The following NSMCE2 variants were observed in gnomAD, a reference collection of about 807,000 sequenced individuals.
NSMCE2 encodes E3 SUMO-protein ligase NSE2.
A neutral mutation model predicts 23.8 loss-of-function variants in NSMCE2; 24 were observed. That is an observed-to-expected ratio of 1.01 (90% confidence interval 0.73 to 1.42). NSMCE2 has a LOEUF of 1.42. Among genes scored for constraint, NSMCE2 ranks in the 40% most tolerant of loss-of-function variants. The pLI, the probability that NSMCE2 is intolerant of heterozygous loss-of-function variation, is 0.00. For synonymous variants in NSMCE2, 92 were observed against 94.1 expected (o/e 0.98, Z 0.13); for missense variants, 284 against 296.5 (o/e 0.96, Z 0.31).
intron 5 of NSMCE2, among the ~76,000 whole-genome samples, chr8:125,296,033 T>G (rs1828310241): frequency 6.6e-6 from 1 of 152,192 alleles, no homozygotes; most frequent in Admixed American, 6.5e-5. Context: ...TAGATTCTGA[T>G]CTTTGCACTG....
At chr8:125,364,757 G>C (rs937390352) in intron 7 of NSMCE2, among the ~76,000 whole-genome samples, 8 of 152,188 alleles carry the variant, frequency 5.3e-5, no homozygotes, top group African/African-American at 1.9e-4. Context: ...GAGCACAGAG[G>C]ATCTGGGAGG....
chr8:125,269,802 A>C (rs1288738003), intron 5 of NSMCE2, among the ~76,000 whole-genome samples: 1 of 152,240 alleles, frequency 6.6e-6, no homozygotes, highest in Non-Finnish European at 1.5e-5. Context: ...ATAGTTAACA[A>C]CATCTATCAA....
intron 5 of NSMCE2, among the ~76,000 whole-genome samples, chr8:125,276,630 A>G (rs1387659871): frequency 1.3e-5 from 2 of 152,094 alleles, no homozygotes; most frequent in East Asian, 3.8e-4. Context: ...TTATGGTAGA[A>G]CCTCCATGAA....
chr8:125,193,245 C>G (rs1021788637), intron 5 of NSMCE2, among the ~76,000 whole-genome samples: 2 of 152,140 alleles, frequency 1.3e-5, no homozygotes, highest in Non-Finnish European at 2.9e-5. Flanking sequence ...TCCAACTTAT[C>G]ACGACAGACA....
rs183499977 is a variant in NSMCE2 at position 125,185,553 on chromosome 8, G to A, written c.418+3297G>A. Among the ~76,000 whole-genome samples, 246 of 152,142 alleles carry A rather than the reference G, an allele frequency of 1.6e-3. 1 individual carries two copies. The highest frequency in any genetic ancestry group is 5.7e-3 in the African/African-American group (238 of 41,544). ...ACTCCTGACTTCAGGGGATCCACTCGCCTCAGCCTCCCAAAATGTTGGGAT... is the reference window on the plus strand; with the variant it reads ...ACTCCTGACTTCAGGGGATCCACTCACCTCAGCCTCCCAAAATGTTGGGAT... On this transcript the variant is annotated intron_variant, in intron 5 of 7. Transcript: ENST00000287437.
intron 3 of NSMCE2, chr8:125,130,122 C>T (rs1289939471): frequency 8.7e-6 from 3 of 343,726 alleles, no homozygotes; most frequent in African/African-American, 4.3e-5. Flanking sequence ...GTAATCCTGA[C>T]AGTTTTGAGG....
intron 5 of NSMCE2, among the ~76,000 whole-genome samples, chr8:125,217,657 C>T (rs1236946375): frequency 3.3e-5 from 5 of 152,130 alleles, no homozygotes; most frequent in African/African-American, 7.2e-5. Flanking sequence ...TGAGCCACCG[C>T]GCCTGGCCCT....
intron 5 of NSMCE2, among the ~76,000 whole-genome samples, chr8:125,260,067 A>T (rs1419785123): frequency 6.6e-6 from 1 of 152,236 alleles, no homozygotes; most frequent in Non-Finnish European, 1.5e-5. Context: ...AAAATCTTTT[A>T]ATGTTCCAGA....
intron 3 of NSMCE2, among the ~76,000 whole-genome samples, chr8:125,131,527 A>G (rs911639269): frequency 3.3e-5 from 5 of 152,292 alleles, no homozygotes; most frequent in Admixed American, 2.6e-4. Context: ...ACATCAGGAT[A>G]TAGATATTGG....
At chr8:125,180,203 C>A (rs1822730093) in intron 4 of NSMCE2, among the ~76,000 whole-genome samples, 2 of 152,140 alleles carry the variant, frequency 1.3e-5, no homozygotes, top group South Asian at 4.1e-4. Flanking sequence ...ATATAAGGCA[C>A]TATTATATTG....
intron 5 of NSMCE2, among the ~76,000 whole-genome samples, chr8:125,278,955 A>G (rs1478524692): frequency 1.3e-5 from 2 of 152,118 alleles, no homozygotes; most frequent in African/African-American, 4.8e-5. Context: ...GGTTAGAGCC[A>G]TAGTCAAATG....
intron 3 of NSMCE2, among the ~76,000 whole-genome samples, chr8:125,132,929 T>C (rs1819846729): frequency 6.6e-6 from 1 of 152,220 alleles, no homozygotes; most frequent in South Asian, 2.1e-4. Context: ...AAATGCACTT[T>C]ACAGGTCATC....
intron 3 of NSMCE2, among the ~76,000 whole-genome samples, chr8:125,113,346 G>A (rs1307661718): frequency 6.6e-6 from 1 of 152,076 alleles, no homozygotes; most frequent in African/African-American, 2.4e-5. Context: ...AAATGAGTCA[G>A]GTGTGGTGGC....
intron 5 of NSMCE2, among the ~76,000 whole-genome samples, chr8:125,239,308 A>G (rs1468187381): frequency 6.6e-6 from 1 of 152,182 alleles, no homozygotes; most frequent in Non-Finnish European, 1.5e-5. Flanking sequence ...GTTACAAAAA[A>G]ATAGCATTTT....
chr8:125,225,746 A>G (rs913646228), intron 5 of NSMCE2, among the ~76,000 whole-genome samples: 1 of 152,258 alleles, frequency 6.6e-6, no homozygotes, highest in Non-Finnish European at 1.5e-5. Flanking sequence ...TATTTGCTGA[A>G]CAAAGCAAAG....
intron 5 of NSMCE2, among the ~76,000 whole-genome samples, chr8:125,292,655 A>C (rs755357028): frequency 2.0e-5 from 3 of 152,232 alleles, no homozygotes; most frequent in Admixed American, 1.3e-4. Context: ...AGATCATTTC[A>C]GATAAGTTAT....
At chr8:125,188,566 C>CTGTG (rs1823210782) in intron 5 of NSMCE2, among the ~76,000 whole-genome samples, 1 of 152,172 alleles carries the variant, frequency 6.6e-6, no homozygotes, top group African/African-American at 2.4e-5. Context: ...TTTTCAGTTA[C>CTGTG]TAGATTTTAA....
At chr8:125,284,490 G>C (rs1008018038) in intron 5 of NSMCE2, among the ~76,000 whole-genome samples, 4 of 152,192 alleles carry the variant, frequency 2.6e-5, no homozygotes, top group Non-Finnish European at 5.9e-5. Flanking sequence ...ATCGAGGATT[G>C]TTCAACTGCT....
chr8:125,214,978 T>A (rs1297164226), intron 5 of NSMCE2, among the ~76,000 whole-genome samples: 2 of 152,170 alleles, frequency 1.3e-5, no homozygotes, highest in East Asian at 3.8e-4. Context: ...TAAACAGTAA[T>A]TCCCCATGTC....
Sources: gnomAD v4.1 joint callset for allele counts (sites outside exome capture counted in the v4.1 genomes callset) on GRCh38, gnomAD v4.1.1 for gene constraint, MANE v1.5 for transcripts, NCBI Gene and HGNC (gene_info 2026-07-23, HGNC 2026-07-21) for gene names.